Variants in CPED1 observed in about 807,000 individuals in gnomAD.
CPED1 encodes cadherin-like and PC-esterase domain-containing protein 1.
A neutral mutation model predicts 128.2 loss-of-function variants in CPED1; 114 were observed. The ratio of observed to expected loss-of-function variants is 0.89; its 90% CI spans 0.76 to 1.04. The LOEUF is 1.04. Among genes scored for constraint, CPED1 ranks in the 50% least tolerant of loss-of-function variants. CPED1 has a pLI of 0.00. For synonymous variants in CPED1, 462 were observed against 426.7 expected (o/e 1.08, Z -1.02); for missense variants, 1,211 against 1,207.1 (o/e 1.00, Z -0.05).
intron 16 of CPED1, among the ~76,000 whole-genome samples, chr7:121,201,801 T>C (rs1394620701): frequency 2.0e-5 from 3 of 152,114 alleles, no homozygotes; most frequent in African/African-American, 7.2e-5. Flanking sequence ...TTATATTTTT[T>C]TCTTATCTGA....
intron 7 of CPED1, among the ~76,000 whole-genome samples, chr7:121,117,102 T>TATATATATATATATATATATATATAA: frequency 7.0e-6 from 1 of 143,058 alleles, no homozygotes; most frequent in African/African-American, 2.6e-5. Context: ...TATATATAAA[T>TATATATATATATATATATATATATAA]ATATATATAT....
intron 16 of CPED1, among the ~76,000 whole-genome samples, chr7:121,153,246 T>C (rs1036129153): frequency 6.6e-5 from 10 of 152,338 alleles, no homozygotes; most frequent in African/African-American, 2.2e-4. Flanking sequence ...ACTATTATTC[T>C]AAAAGACGGT....
chr7:121,270,671 TGAA>T (rs1290076089), intron 21 of CPED1, among the ~76,000 whole-genome samples: 1 of 152,066 alleles, frequency 6.6e-6, no homozygotes, highest in Non-Finnish European at 1.5e-5. Flanking sequence ...TTGAGTTTGT[TGAA>T]ATAAGTTGGT....
intron 5 of CPED1, among the ~76,000 whole-genome samples, chr7:121,078,705 C>T (rs1412815990): frequency 6.6e-6 from 1 of 152,110 alleles, no homozygotes; most frequent in Non-Finnish European, 1.5e-5. Flanking sequence ...TTCCTTTTCA[C>T]CTCCAAACTG....
rs575249952 is a variant in CPED1 at position 121,204,088 on chromosome 7, C to A, written c.2056-32626C>A. Among the ~76,000 whole-genome samples, 4 of 152,190 alleles carry A rather than the reference C, an allele frequency of 2.6e-5. No homozygotes were observed. The South Asian group carries it at 6.2e-4, about 24-fold the overall frequency. Reference sequence around the variant, plus strand: ...CCTCAAACACCCCACATTTCAGAACCCTTGCAAGAGAACTGCCTACTCTAA... The same window carrying A: ...CCTCAAACACCCCACATTTCAGAACACTTGCAAGAGAACTGCCTACTCTAA... On this transcript the variant is annotated intron_variant, in intron 16 of 22. Transcript: ENST00000310396.
At chr7:120,991,918 C>G (rs939430479) in intron 2 of CPED1, among the ~76,000 whole-genome samples, 9 of 152,128 alleles carry the variant, frequency 5.9e-5, no homozygotes, top group African/African-American at 2.2e-4. Flanking sequence ...CATTTTTAAC[C>G]TATGCCAGCC....
chr7:121,267,630 T>G (rs1453913094), intron 21 of CPED1, among the ~76,000 whole-genome samples: 1 of 152,038 alleles, frequency 6.6e-6, no homozygotes, highest in Non-Finnish European at 1.5e-5. Context: ...ATCATTGGTT[T>G]TTCCTGTAAT....
At chr7:121,176,814 G>T (rs1049375716) in intron 16 of CPED1, among the ~76,000 whole-genome samples, 3 of 152,008 alleles carry the variant, frequency 2.0e-5, no homozygotes, top group African/African-American at 7.2e-5. Context: ...ATTTTGAAAA[G>T]GACCAAGGCA....
intron 7 of CPED1, among the ~76,000 whole-genome samples, chr7:121,117,082 TATATATATATATATATAA>T (rs1204572168): frequency 7.2e-6 from 1 of 138,338 alleles, no homozygotes; most frequent in Non-Finnish European, 1.6e-5. Context: ...ACACATTATA[TATATATATATATATATAA>T]ATATATATAT....
intron 2 of CPED1, among the ~76,000 whole-genome samples, chr7:120,998,875 G>A (rs954187372): frequency 6.6e-6 from 1 of 151,872 alleles, no homozygotes; most frequent in Non-Finnish European, 1.5e-5. Context: ...CTGGGGATGG[G>A]GAGGAGTGAG....
intron 16 of CPED1, among the ~76,000 whole-genome samples, chr7:121,153,581 G>A (rs1300191576): frequency 2.6e-5 from 4 of 152,174 alleles, no homozygotes; most frequent in African/African-American, 9.7e-5. Flanking sequence ...CCATTTCACA[G>A]ATGAATAAAA....
chr7:121,092,382 TAAG>T (rs1164840983), intron 5 of CPED1, among the ~76,000 whole-genome samples: 2 of 152,198 alleles, frequency 1.3e-5, no homozygotes, highest in Admixed American at 6.5e-5. Context: ...GTTATTTGGG[TAAG>T]AAGAAGTGGA....
chr7:121,271,924 A>G (rs1026908914), intron 22 of CPED1, among the ~76,000 whole-genome samples: 4 of 152,120 alleles, frequency 2.6e-5, no homozygotes, highest in African/African-American at 9.7e-5. Context: ...ATTTTAACCT[A>G]TAAATAGGCT....
At chr7:121,158,536 C>G (rs569415072) in intron 16 of CPED1, among the ~76,000 whole-genome samples, 1 of 151,500 alleles carries the variant, frequency 6.6e-6, no homozygotes, top group African/African-American at 2.4e-5. Flanking sequence ...ATTTCAGGTT[C>G]TGGGAGACAC....
intron 16 of CPED1, among the ~76,000 whole-genome samples, chr7:121,190,391 C>CAAAAAAA (rs368606501): frequency 3.1e-5 from 3 of 97,310 alleles, no homozygotes; most frequent in East Asian, 2.7e-4. Flanking sequence ...GACTCTGTAT[C>CAAAAAAA]AAAAAAAAAA....
intron 16 of CPED1, among the ~76,000 whole-genome samples, chr7:121,229,255 AT>A (rs1340044810): frequency 6.6e-6 from 1 of 152,068 alleles, no homozygotes; most frequent in African/African-American, 2.4e-5. Flanking sequence ...TGAATATGAT[AT>A]TTTTAAAAGA....
intron 5 of CPED1, among the ~76,000 whole-genome samples, chr7:121,085,689 G>T (rs977766794): frequency 1.3e-5 from 2 of 152,186 alleles, no homozygotes; most frequent in Non-Finnish European, 2.9e-5. Context: ...GCCAGACACA[G>T]TGGACTCCTT....
chr7:121,047,787 T>C (rs1793253681), intron 4 of CPED1, among the ~76,000 whole-genome samples: 1 of 150,844 alleles, frequency 6.6e-6, no homozygotes, highest in Non-Finnish European at 1.5e-5. Context: ...CTCGGCTTAC[T>C]GCAAGCTCCG....
intron 16 of CPED1, among the ~76,000 whole-genome samples, chr7:121,169,527 GATA>G (rs1471970561): frequency 2.0e-5 from 3 of 152,074 alleles, no homozygotes; most frequent in African/African-American, 7.2e-5. Flanking sequence ...TTGATCATCT[GATA>G]ATGATCAAAA....
Sources: allele counts gnomAD v4.1 joint callset (sites outside exome capture counted in the v4.1 genomes callset), GRCh38; gene constraint gnomAD v4.1.1; transcripts MANE v1.5; gene names NCBI Gene and HGNC (gene_info 2026-07-23, HGNC 2026-07-21).